KLF12: variants seen among roughly 807,000 people sequenced by gnomAD.
The protein encoded by KLF12 is KLF transcription factor 12.
A neutral mutation model predicts 37.8 loss-of-function variants in KLF12; 9 were observed. The ratio of observed to expected loss-of-function variants is 0.24; its 90% CI spans 0.14 to 0.42. KLF12 has a LOEUF of 0.42. Ranked by LOEUF, KLF12 falls within the 10% of genes least tolerant of loss-of-function variation. The probability of loss-of-function intolerance (pLI) is 1.00; values close to 1 mark genes in which losing one functional copy is unlikely to be tolerated. For missense variants in KLF12, 411 were observed against 516.0 expected (o/e 0.80, Z 1.97); for synonymous variants, 208 against 202.1 (o/e 1.03, Z -0.25).
At chr13:74,010,216 T>A (rs1469078064) in intron 1 of KLF12, among the ~76,000 whole-genome samples, 1 of 152,104 alleles carries the variant, frequency 6.6e-6, no homozygotes, top group Non-Finnish European at 1.5e-5. Flanking sequence ...GCACCAGGAT[T>A]ACAGGCAAGC....
At chr13:74,080,242 G>C (rs991826160) in intron 1 of KLF12, among the ~76,000 whole-genome samples, 5 of 152,058 alleles carry the variant, frequency 3.3e-5, no homozygotes, top group Non-Finnish European at 7.4e-5. Flanking sequence ...TTCAAGACCA[G>C]CCTGGGCAAC....
intron 5 of KLF12, among the ~76,000 whole-genome samples, chr13:73,785,553 C>G (rs1406568186): frequency 6.6e-6 from 1 of 152,026 alleles, no homozygotes; most frequent in African/African-American, 2.4e-5. Flanking sequence ...TGGATATCCA[C>G]TATTAATACA....
intron 5 of KLF12, among the ~76,000 whole-genome samples, chr13:73,779,147 G>A (rs1425429914): frequency 6.6e-6 from 1 of 152,006 alleles, no homozygotes; most frequent in African/African-American, 2.4e-5. Context: ...AAAACCTTTG[G>A]TATTTTTTAA....
chr13:74,027,273 T>G (rs536781292), intron 1 of KLF12, among the ~76,000 whole-genome samples: 1 of 147,808 alleles, frequency 6.8e-6, no homozygotes, highest in African/African-American at 2.4e-5. Flanking sequence ...TATCTCCATG[T>G]CTTCTTCTCT....
At chr13:74,106,022 G>A (rs558437369) in intron 1 of KLF12, among the ~76,000 whole-genome samples, 1 of 152,234 alleles carries the variant, frequency 6.6e-6, no homozygotes, top group African/African-American at 2.4e-5. Context: ...CAACTTAATT[G>A]AGCCCTTCCC....
chr13:74,186,796 G>A, the KLF12 span, among the ~76,000 whole-genome samples: 7 of 152,266 alleles, frequency 4.6e-5, no homozygotes, highest in East Asian at 5.8e-4. Flanking sequence ...TTAACTGATT[G>A]ACACTATATT....
intron 6 of KLF12, among the ~76,000 whole-genome samples, chr13:73,718,049 G>C (rs988511148): frequency 6.6e-6 from 1 of 152,152 alleles, no homozygotes. Flanking sequence ...TTTTCTGCAA[G>C]TTATAACTTA....
intron 1 of KLF12, among the ~76,000 whole-genome samples, chr13:74,001,040 A>G (rs1892267715): frequency 6.6e-6 from 1 of 152,160 alleles, no homozygotes; most frequent in Non-Finnish European, 1.5e-5. Context: ...CAAAATATAA[A>G]CATGTGCCAT....
chr13:73,794,883 G>A (rs1288072979), intron 5 of KLF12, among the ~76,000 whole-genome samples: 2 of 152,152 alleles, frequency 1.3e-5, no homozygotes, highest in Non-Finnish European at 2.9e-5. Context: ...ATTAACAAAT[G>A]GATCAGATTG....
At chr13:74,133,282 C>G (rs1011691870) in intron 1 of KLF12, among the ~76,000 whole-genome samples, 1 of 152,086 alleles carries the variant, frequency 6.6e-6, no homozygotes, top group Non-Finnish European at 1.5e-5. Context: ...TCATCCACCC[C>G]GCTCGAGGCC....
chr13:74,119,333 A>T (rs1480747091), intron 1 of KLF12, among the ~76,000 whole-genome samples: 471 of 44,110 alleles, frequency 0.011, 3 homozygotes, highest in Admixed American at 0.033. Flanking sequence ...CTCTTATCGC[A>T]AAAAAAAAAA....
the KLF12 span, among the ~76,000 whole-genome samples, chr13:74,213,603 C>T: frequency 6.7e-6 from 1 of 149,016 alleles, no homozygotes; most frequent in African/African-American, 2.5e-5. Flanking sequence ...TCCTTCCCTC[C>T]CCCTTCCCTC....
chr13:73,982,430 T>C (rs1891710647), intron 2 of KLF12, among the ~76,000 whole-genome samples: 4 of 152,120 alleles, frequency 2.6e-5, no homozygotes, highest in Admixed American at 2.6e-4. Flanking sequence ...TCTTCCATTA[T>C]TGAAAGGTAA....
chr13:73,957,800 A>G (rs768467079), intron 2 of KLF12, among the ~76,000 whole-genome samples: 10 of 152,222 alleles, frequency 6.6e-5, no homozygotes, highest in Non-Finnish European at 1.5e-4. Flanking sequence ...AGAACAATAA[A>G]AATGATCACA....
intron 1 of KLF12, among the ~76,000 whole-genome samples, chr13:74,012,446 A>G (rs899033010): frequency 6.6e-6 from 1 of 152,198 alleles, no homozygotes; most frequent in Non-Finnish European, 1.5e-5. Flanking sequence ...GCTTTTTTAA[A>G]TTGATAAAAT....
intron 6 of KLF12, among the ~76,000 whole-genome samples, chr13:73,735,783 C>A (rs917666237): frequency 6.6e-6 from 1 of 152,104 alleles, no homozygotes; most frequent in Non-Finnish European, 1.5e-5. Flanking sequence ...CAGAACAACT[C>A]TATGAGATTG....
chr13:74,217,234 C>A, the KLF12 span, among the ~76,000 whole-genome samples: 3 of 151,436 alleles, frequency 2.0e-5, no homozygotes, highest in Non-Finnish European at 4.4e-5. Context: ...ACATGAAATT[C>A]CACATAGAAA....
chr13:73,837,759 C>T (rs977449714), intron 4 of KLF12, among the ~76,000 whole-genome samples: 1 of 152,124 alleles, frequency 6.6e-6, no homozygotes, highest in African/African-American at 2.4e-5. Flanking sequence ...GCTAGTTTGT[C>T]GATAAAAATC....
intron 1 of KLF12, among the ~76,000 whole-genome samples, chr13:74,058,855 T>C (rs1873413094): frequency 6.6e-6 from 1 of 152,174 alleles, no homozygotes; most frequent in Non-Finnish European, 1.5e-5. Context: ...TACACGGATA[T>C]ATTGCATAAT....
Sources: gnomAD v4.1 joint callset for allele counts (sites outside exome capture counted in the v4.1 genomes callset) on GRCh38, gnomAD v4.1.1 for gene constraint, MANE v1.5 for transcripts, NCBI Gene and HGNC (gene_info 2026-07-23, HGNC 2026-07-21) for gene names.